The following LRRC37A2 variants were observed in gnomAD, a reference collection of about 807,000 sequenced individuals.
LRRC37A2 encodes the protein leucine rich repeat containing 37 member A2.
A neutral mutation model predicts 68.8 loss-of-function variants in LRRC37A2; 9 were observed. The observed-to-expected ratio is 0.13, with a 90% CI of 0.08 to 0.23. LRRC37A2 has a LOEUF of 0.23. Ranked by LOEUF, LRRC37A2 falls within the 10% of genes least tolerant of loss-of-function variation. LRRC37A2 has a pLI of 1.00. For synonymous variants in LRRC37A2, 63 were observed against 367.6 expected (o/e 0.17, Z 9.48); for missense variants, 168 against 950.4 (o/e 0.18, Z 10.82).
the LRRC37A2 span, among the ~76,000 whole-genome samples, chr17:46,913,186 A>G: frequency 1.3e-5 from 2 of 152,228 alleles, no homozygotes; most frequent in African/African-American, 4.8e-5. Context: ...CCGACTTCCA[A>G]ATAATTCTAG....
chr17:46,915,633 C>A, the LRRC37A2 span, among the ~76,000 whole-genome samples: 3 of 152,244 alleles, frequency 2.0e-5, no homozygotes, highest in South Asian at 6.2e-4. Flanking sequence ...GGGGACCCCA[C>A]ACTTTTGAGT....
the LRRC37A2 span, among the ~76,000 whole-genome samples, chr17:46,790,111 G>A: frequency 3.3e-5 from 5 of 152,130 alleles, no homozygotes; most frequent in African/African-American, 7.2e-5. Flanking sequence ...AGTCCAGAGC[G>A]AGCCTCAACA....
At chr17:46,732,765 A>G in the LRRC37A2 span, among the ~76,000 whole-genome samples, 3 of 152,232 alleles carry the variant, frequency 2.0e-5, no homozygotes, top group Non-Finnish European at 4.4e-5. Context: ...TATTTCAATC[A>G]AGTTTCCCTG....
the LRRC37A2 span, among the ~76,000 whole-genome samples, chr17:46,953,497 G>T: frequency 1.3e-5 from 2 of 152,046 alleles, no homozygotes; most frequent in East Asian, 1.9e-4. Flanking sequence ...GAATAGTGCC[G>T]CAATAAACAT....
chr17:46,871,989 G>A, the LRRC37A2 span, among the ~76,000 whole-genome samples: 1 of 152,198 alleles, frequency 6.6e-6, no homozygotes, highest in African/African-American at 2.4e-5. Flanking sequence ...AAGGGAGAGA[G>A]GGATGTCAGG....
the LRRC37A2 span, among the ~76,000 whole-genome samples, chr17:46,957,686 C>T: frequency 2.8e-4 from 42 of 152,254 alleles, 1 homozygote; most frequent in South Asian, 8.5e-3. Flanking sequence ...GAGAGGCAAA[C>T]AGGACATGAA....
At chr17:46,872,691 C>T in the LRRC37A2 span, 33 of 1,613,428 alleles carry the variant, frequency 2.0e-5, no homozygotes, top group South Asian at 1.6e-4. Context: ...CTGCGCACCT[C>T]GGCCTGCTTG....
the LRRC37A2 span, among the ~76,000 whole-genome samples, chr17:46,710,158 T>C: frequency 1.3e-5 from 2 of 152,184 alleles, no homozygotes; most frequent in African/African-American, 2.4e-5. Flanking sequence ...AGATACATGA[T>C]CTTTACATGT....
At chr17:46,485,972 C>T in the LRRC37A2 span, among the ~76,000 whole-genome samples, 3 of 48,914 alleles carry the variant, frequency 6.1e-5, no homozygotes, top group African/African-American at 1.2e-4. Flanking sequence ...AGTGAGACTC[C>T]GTCTCAAAAA....
the LRRC37A2 span, among the ~76,000 whole-genome samples, chr17:46,819,763 A>C: frequency 6.6e-6 from 1 of 152,214 alleles, no homozygotes; most frequent in Admixed American, 6.5e-5. This position sits in a 1 kb window ranked among gnomAD's most constrained non-coding sequence, Gnocchi z 5.3. Context: ...ACAGGAAAGG[A>C]GTCCTTCCAG....
the LRRC37A2 span, among the ~76,000 whole-genome samples, chr17:46,985,606 G>A: frequency 1.3e-5 from 2 of 151,716 alleles, no homozygotes; most frequent in Non-Finnish European, 2.9e-5. Flanking sequence ...GCCTGGCTAA[G>A]TTCTACACAG....
the LRRC37A2 span, among the ~76,000 whole-genome samples, chr17:46,774,978 G>T: frequency 1.1e-4 from 17 of 152,274 alleles, no homozygotes; most frequent in East Asian, 3.3e-3. Flanking sequence ...ACTGACCAAG[G>T]CTTTGGTCCA....
chr17:47,014,116 G>A, the LRRC37A2 span, among the ~76,000 whole-genome samples: 1 of 150,570 alleles, frequency 6.6e-6, no homozygotes, highest in Non-Finnish European at 1.5e-5. Flanking sequence ...AACAGGCCAG[G>A]TGCAGTGGCT....
chr17:46,931,030 T>C, the LRRC37A2 span: 2 of 882,106 alleles, frequency 2.3e-6, no homozygotes, highest in Non-Finnish European at 3.8e-6. Context: ...AAAAAATCTG[T>C]GATTTATCAT....
At chr17:46,847,849 G>T in the LRRC37A2 span, among the ~76,000 whole-genome samples, 39 of 152,328 alleles carry the variant, frequency 2.6e-4, no homozygotes, top group African/African-American at 8.7e-4. Flanking sequence ...TTCAGGCAGG[G>T]TGGGCTGGCC....
At chr17:46,492,848 C>T in the LRRC37A2 span, among the ~76,000 whole-genome samples, 2 of 150,450 alleles carry the variant, frequency 1.3e-5, no homozygotes, top group African/African-American at 2.5e-5. Context: ...CGTCTACCAC[C>T]ACGCCCGGCT....
chr17:46,864,584 G>A, the LRRC37A2 span, among the ~76,000 whole-genome samples: 1 of 152,124 alleles, frequency 6.6e-6, no homozygotes, highest in Non-Finnish European at 1.5e-5. Context: ...GGGCCACCCA[G>A]GGGGTCAGAG....
the LRRC37A2 span, among the ~76,000 whole-genome samples, chr17:46,871,146 C>T: frequency 6.6e-6 from 1 of 151,896 alleles, no homozygotes; most frequent in Non-Finnish European, 1.5e-5. Flanking sequence ...TGGACTCAAG[C>T]GATCCACCTG....
chr17:46,708,832 T>A, the LRRC37A2 span, among the ~76,000 whole-genome samples: 10 of 134,366 alleles, frequency 7.4e-5, no homozygotes, highest in South Asian at 1.1e-3. Flanking sequence ...ATTTTTTTTT[T>A]TTTTTTTTTT....
Sources: allele counts gnomAD v4.1 joint callset (sites outside exome capture counted in the v4.1 genomes callset), GRCh38; gene constraint gnomAD v4.1.1; non-coding constraint Gnocchi (gnomAD v3.1); transcripts MANE v1.5; gene names NCBI Gene and HGNC (gene_info 2026-07-23, HGNC 2026-07-21).